NKAIN3: variants seen among roughly 807,000 people sequenced by gnomAD.
NKAIN3 encodes the protein sodium/potassium-transporting ATPase subunit beta-1-interacting protein 3.
NKAIN3 carries 25 observed loss-of-function variants against 30.2 expected under a neutral mutation model. That is an observed-to-expected ratio of 0.83 (90% CI 0.60 to 1.16). The LOEUF (loss-of-function observed/expected upper bound fraction) is 1.16. Among genes scored for constraint, NKAIN3 ranks in the 50% most tolerant of loss-of-function variants. The pLI, the probability that NKAIN3 is intolerant of heterozygous loss-of-function variation, is 0.00. For missense variants in NKAIN3, 225 were observed against 254.1 expected (o/e 0.89, Z 0.78); for synonymous variants, 91 against 89.6 (o/e 1.02, Z -0.09).
At chr8:62,628,386 TTG>T (rs1259719511) in intron 3 of NKAIN3, among the ~76,000 whole-genome samples, 3 of 152,148 alleles carry the variant, frequency 2.0e-5, no homozygotes, top group Admixed American at 2.0e-4. Context: ...ATAGCGAATT[TTG>T]CACAGCGAAT....
chr8:62,724,357 C>G (rs1170885242), intron 3 of NKAIN3, among the ~76,000 whole-genome samples: 6 of 152,072 alleles, frequency 3.9e-5, no homozygotes, highest in African/African-American at 1.4e-4. Flanking sequence ...TATCCATCAC[C>G]TCAACCATTT....
intron 3 of NKAIN3, among the ~76,000 whole-genome samples, chr8:62,593,909 G>C (rs1810736272): frequency 6.6e-6 from 1 of 152,026 alleles, no homozygotes; most frequent in South Asian, 2.1e-4. Flanking sequence ...AGATCTGTTA[G>C]GTGGGGATCC....
In NKAIN3 at chr8:62,850,978, T is replaced by C. The variant is rs182783094; in HGVS notation, c.472-67475T>C. 3.7e-3 allele frequency among the ~76,000 whole-genome samples: 569 copies of C among 152,224 alleles called. 10 individuals carry two copies. Among genetic ancestry groups the C allele is most frequent in the Admixed American group, 0.035 (529 of 15,296 alleles). ...CCATATGAACTTTAAAGTAGTTTTTTCCAATTCTGTGAAGAAAGTCATTGG... is the reference window on the plus strand; with the variant it reads ...CCATATGAACTTTAAAGTAGTTTTTCCCAATTCTGTGAAGAAAGTCATTGG... On this transcript the variant is annotated intron_variant, in intron 4 of 6. Transcript: ENST00000623646.
intron 4 of NKAIN3, among the ~76,000 whole-genome samples, chr8:62,749,620 T>A (rs1816202848): frequency 6.6e-6 from 1 of 151,922 alleles, no homozygotes; most frequent in Non-Finnish European, 1.5e-5. Flanking sequence ...GGGTTTCTTG[T>A]GTTTGTCACT....
intron 4 of NKAIN3, among the ~76,000 whole-genome samples, chr8:62,870,769 A>G (rs924214155): frequency 7.4e-6 from 1 of 134,470 alleles, no homozygotes; most frequent in Non-Finnish European, 1.6e-5. Context: ...ATAGATATAT[A>G]TAGAGAGATA....
chr8:62,497,096 A>G (rs915539146), intron 1 of NKAIN3, among the ~76,000 whole-genome samples: 1 of 152,076 alleles, frequency 6.6e-6, no homozygotes, highest in Non-Finnish European at 1.5e-5. Context: ...GAAAGAGTTG[A>G]TAATCTGGAA....
chr8:62,315,082 A>C (rs1360797249), intron 1 of NKAIN3, among the ~76,000 whole-genome samples: 1 of 152,200 alleles, frequency 6.6e-6, no homozygotes, highest in Non-Finnish European at 1.5e-5. Context: ...TTTAAGACAG[A>C]GCCATCACGC....
At chr8:62,940,759 C>A (rs181634251) in intron 5 of NKAIN3, among the ~76,000 whole-genome samples, 90 of 152,048 alleles carry the variant, frequency 5.9e-4, no homozygotes, top group Non-Finnish European at 1.2e-3. Context: ...CTCTGAGATA[C>A]AGCAAAAGCA....
intron 1 of NKAIN3, among the ~76,000 whole-genome samples, chr8:62,434,499 C>G (rs1805109400): frequency 6.6e-6 from 1 of 152,104 alleles, no homozygotes; most frequent in African/African-American, 2.4e-5. Context: ...CAGCGTTTAT[C>G]TTAAGATAAA....
At chr8:62,599,908 T>C (rs1295397018) in intron 3 of NKAIN3, among the ~76,000 whole-genome samples, 1 of 152,026 alleles carries the variant, frequency 6.6e-6, no homozygotes, top group Non-Finnish European at 1.5e-5. Flanking sequence ...ATTAATAAGT[T>C]ATTGCTGCTT....
intron 1 of NKAIN3, among the ~76,000 whole-genome samples, chr8:62,354,963 T>A (rs1277712480): frequency 1.3e-5 from 2 of 152,144 alleles, no homozygotes; most frequent in African/African-American, 4.8e-5. Context: ...TTATCTTTAT[T>A]ACACTAGAGA....
At chr8:62,812,109 A>G (rs1329493307) in intron 4 of NKAIN3, among the ~76,000 whole-genome samples, 2 of 151,904 alleles carry the variant, frequency 1.3e-5, no homozygotes, top group Non-Finnish European at 2.9e-5. Context: ...TTCTACATTG[A>G]ATTGCTTGTG....
chr8:62,893,215 C>T (rs1055542566), intron 4 of NKAIN3, among the ~76,000 whole-genome samples: 3 of 152,070 alleles, frequency 2.0e-5, no homozygotes, highest in African/African-American at 7.2e-5. Context: ...GGTCAAGGCT[C>T]CTCCATGTCC....
chr8:62,317,646 G>T (rs1381594308), intron 1 of NKAIN3, among the ~76,000 whole-genome samples: 1 of 152,060 alleles, frequency 6.6e-6, no homozygotes, highest in Non-Finnish European at 1.5e-5. Flanking sequence ...TCTCTGTTTT[G>T]GTACCAGCAC....
intron 1 of NKAIN3, among the ~76,000 whole-genome samples, chr8:62,557,661 A>G (rs989861011): frequency 1.3e-5 from 2 of 151,952 alleles, no homozygotes; most frequent in Admixed American, 6.6e-5. Context: ...ATCATTAGTG[A>G]TGTTGAGCAG....
chr8:62,636,410 A>G (rs1210348643), intron 3 of NKAIN3, among the ~76,000 whole-genome samples: 1 of 152,168 alleles, frequency 6.6e-6, no homozygotes, highest in Admixed American at 6.5e-5. Context: ...CATGCTATCA[A>G]TAGCTCTCAT....
chr8:62,557,528 T>C (rs185072449), intron 1 of NKAIN3, among the ~76,000 whole-genome samples: 1 of 152,202 alleles, frequency 6.6e-6, no homozygotes, highest in African/African-American at 2.4e-5. Context: ...CCACCAGCAG[T>C]GTAGAAGTGT....
intron 4 of NKAIN3, among the ~76,000 whole-genome samples, chr8:62,899,133 G>A (rs1206070109): frequency 6.6e-6 from 1 of 152,208 alleles, no homozygotes; most frequent in Admixed American, 6.5e-5. Flanking sequence ...CTGTTGATGG[G>A]AATGTAAATT....
In NKAIN3 at chr8:62,380,006, G is replaced by A. The variant is rs542471120; in HGVS notation, c.54+130879G>A. Among the ~76,000 whole-genome samples, 217 of 152,234 alleles carry A rather than the reference G, an allele frequency of 1.4e-3. 1 individual carries two copies. Among genetic ancestry groups the A allele is most frequent in the Non-Finnish European group, 2.5e-3 (173 of 68,014 alleles). On this transcript the variant is annotated intron_variant, in intron 1 of 6. Transcript: ENST00000623646. ...CCTGTCATGATATCTCATGTCTGAGGCAATTCAATGTATTTAAGGAAAAGT... is the reference window on the plus strand; with the variant it reads ...CCTGTCATGATATCTCATGTCTGAGACAATTCAATGTATTTAAGGAAAAGT...
Sources: allele counts gnomAD v4.1 joint callset (sites outside exome capture counted in the v4.1 genomes callset), GRCh38; gene constraint gnomAD v4.1.1; transcripts MANE v1.5; gene names NCBI Gene and HGNC (gene_info 2026-07-23, HGNC 2026-07-21).